CFDP1: variants seen among roughly 807,000 people sequenced by gnomAD.
CFDP1 encodes the protein chromatin remodeling protein CFDP1, also known as heterochromatin-stabilizing protein CFDP1.
Under a neutral mutation model 40.1 loss-of-function variants are expected in CFDP1, and 31 were observed. The ratio of observed to expected loss-of-function variants is 0.77; its 90% confidence interval spans 0.58 to 1.04. The LOEUF (loss-of-function observed/expected upper bound fraction) is 1.04, where lower values mean the gene tolerates loss of function less well. CFDP1 is among the 50% of genes least tolerant of loss of function. CFDP1 has a pLI of 0.00. For missense variants in CFDP1, 423 were observed against 343.4 expected (o/e 1.23, Z -1.83); for synonymous variants, 167 against 120.0 (o/e 1.39, Z -2.56).
intron 4 of CFDP1, among the ~76,000 whole-genome samples, chr16:75,405,305 TTTAA>T (rs1166177433): frequency 6.6e-6 from 1 of 152,212 alleles, no homozygotes; most frequent in African/African-American, 2.4e-5. Flanking sequence ...TTACAATCAT[TTTAA>T]TTGTTACTCA....
intron 4 of CFDP1, among the ~76,000 whole-genome samples, chr16:75,396,746 G>A (rs182747679): frequency 7.0e-6 from 1 of 142,800 alleles, no homozygotes; most frequent in East Asian, 2.1e-4. Flanking sequence ...AGGTATTTAT[G>A]GTACCTGAGA....
At position 75,365,441 on chromosome 16, in the gene CFDP1, C is replaced by A. The variant is rs762607238; in HGVS notation, c.650+29649G>T. On this transcript the variant is annotated intron_variant, in intron 5 of 6. Coordinates refer to ENST00000283882, the MANE Select transcript of CFDP1 (RefSeq NM_006324.3). Reference sequence around the variant, plus strand: ...GACTGACTGTGTGAGATTAGTCAGTCTCTGTGGCACAGACGGACTAAAACT... The same window carrying A: ...GACTGACTGTGTGAGATTAGTCAGTATCTGTGGCACAGACGGACTAAAACT... 8.7e-4 allele frequency among the ~76,000 whole-genome samples: 132 copies of A among 152,292 alleles called. 1 individual carries two copies. The highest frequency in any genetic ancestry group is 3.1e-4 in the Non-Finnish European group (21 of 68,030).
At chr16:75,428,245 T>G (rs1204421041) in intron 1 of CFDP1, among the ~76,000 whole-genome samples, 1 of 152,096 alleles carries the variant, frequency 6.6e-6, no homozygotes, top group Non-Finnish European at 1.5e-5. Flanking sequence ...AACAGTAAAT[T>G]TTATTGTATG....
chr16:75,302,781 C>A (rs11645329), intron 6 of CFDP1, among the ~76,000 whole-genome samples: 1 of 152,026 alleles, frequency 6.6e-6, no homozygotes, highest in East Asian at 1.9e-4. Context: ...AGAGACAACA[C>A]TGCACTTCAT....
At chr16:75,386,724 CA>C (rs200402350) in intron 5 of CFDP1, among the ~76,000 whole-genome samples, 1 of 150,672 alleles carries the variant, frequency 6.6e-6, no homozygotes, top group Non-Finnish European at 1.5e-5. Flanking sequence ...GACTCCGTCT[CA>C]AAAAAAAAGA....
At chr16:75,385,442 A>C (rs1340903153) in intron 5 of CFDP1, among the ~76,000 whole-genome samples, 3 of 152,000 alleles carry the variant, frequency 2.0e-5, no homozygotes, top group Non-Finnish European at 4.4e-5. Context: ...TGTAATTTAA[A>C]ACAACAACAA....
intron 4 of CFDP1, among the ~76,000 whole-genome samples, chr16:75,397,630 G>A (rs1261702683): frequency 6.6e-6 from 1 of 151,896 alleles, no homozygotes; most frequent in Non-Finnish European, 1.5e-5. Context: ...GTGAAACCCT[G>A]TCTCTACTAA....
chr16:75,429,023 G>GA, intron 1 of CFDP1, among the ~76,000 whole-genome samples: 1 of 107,544 alleles, frequency 9.3e-6, no homozygotes, highest in South Asian at 3.1e-4. Flanking sequence ...AGGCTGAGGT[G>GA]GGAGAGTTGC....
At chr16:75,363,957 A>ACACACACG (rs1182308901) in intron 5 of CFDP1, among the ~76,000 whole-genome samples, 1 of 151,674 alleles carries the variant, frequency 6.6e-6, no homozygotes, top group Non-Finnish European at 1.5e-5. Flanking sequence ...ACACACACAC[A>ACACACACG]CACACACACA....
At chr16:75,350,817 G>A (rs979801473) in intron 5 of CFDP1, among the ~76,000 whole-genome samples, 4 of 152,014 alleles carry the variant, frequency 2.6e-5, no homozygotes, top group African/African-American at 7.2e-5. Context: ...GTCTATTACC[G>A]TTAATCCAAG....
At chr16:75,384,582 G>C (rs1308702817) in intron 5 of CFDP1, among the ~76,000 whole-genome samples, 2 of 151,968 alleles carry the variant, frequency 1.3e-5, no homozygotes, top group East Asian at 3.9e-4. Context: ...CAATGACCCA[G>C]CAATCCCACT....
At chr16:75,330,229 AGG>A (rs1567647577) in intron 5 of CFDP1, among the ~76,000 whole-genome samples, 1 of 152,224 alleles carries the variant, frequency 6.6e-6, no homozygotes, top group Non-Finnish European at 1.5e-5. Flanking sequence ...GAAATGGGCA[AGG>A]CTGTGGACTC....
intron 5 of CFDP1, among the ~76,000 whole-genome samples, chr16:75,390,360 AG>A (rs1287693845): frequency 6.6e-6 from 1 of 152,208 alleles, no homozygotes. Flanking sequence ...TGCACAGCGC[AG>A]TTTTGGAAAG....
intron 5 of CFDP1, among the ~76,000 whole-genome samples, chr16:75,322,600 G>C (rs1268173579): frequency 6.6e-6 from 1 of 152,158 alleles, no homozygotes; most frequent in Non-Finnish European, 1.5e-5. Context: ...AAAAGGTACA[G>C]TAAAAATATG....
chr16:75,409,493 T>A (rs2079136696), intron 4 of CFDP1: 1 of 152,240 alleles, frequency 6.6e-6, no homozygotes. Context: ...TCTTTTATAT[T>A]TGTTTTTCTA....
At chr16:75,425,599 C>G (rs540358937) in intron 1 of CFDP1, among the ~76,000 whole-genome samples, 22 of 147,530 alleles carry the variant, frequency 1.5e-4, no homozygotes, top group African/African-American at 5.0e-4. Flanking sequence ...AAAGGGAATT[C>G]GATGGAGAAA....
At chr16:75,359,241 A>G (rs1401226091) in intron 5 of CFDP1, among the ~76,000 whole-genome samples, 1 of 152,222 alleles carries the variant, frequency 6.6e-6, no homozygotes, top group African/African-American at 2.4e-5. Context: ...TTCTTATACT[A>G]TAAATAACAA....
intron 4 of CFDP1, among the ~76,000 whole-genome samples, chr16:75,411,550 C>A (rs939552084): frequency 3.9e-5 from 6 of 152,216 alleles, no homozygotes; most frequent in Non-Finnish European, 8.8e-5. Flanking sequence ...AGTCACAAAA[C>A]ATGGCAATGA....
intron 5 of CFDP1, among the ~76,000 whole-genome samples, chr16:75,368,515 G>A (rs939448157): frequency 2.0e-5 from 3 of 152,096 alleles, no homozygotes; most frequent in Non-Finnish European, 4.4e-5. Flanking sequence ...AAAAATAAAA[G>A]GGGTATAGTA....
Sources: allele counts gnomAD v4.1 joint callset (sites outside exome capture counted in the v4.1 genomes callset), GRCh38; gene constraint gnomAD v4.1.1; transcripts MANE v1.5; gene names NCBI Gene and HGNC (gene_info 2026-07-23, HGNC 2026-07-21).